The following NRXN3 variants were observed in gnomAD, a reference collection of about 807,000 sequenced individuals.
NRXN3 encodes neurexin III.
In NRXN3, 32 loss-of-function variants were observed where a neutral mutation model predicts 137.6. The observed-to-expected ratio is 0.23, with a 90% CI of 0.18 to 0.31. The LOEUF (loss-of-function observed/expected upper bound fraction) is 0.31, where lower values mean the gene tolerates loss of function less well. NRXN3 is among the 10% of genes least tolerant of loss of function. The pLI is 1.00. For missense variants in NRXN3, 1,574 were observed against 2,062.5 expected, an observed-to-expected ratio of 0.76 and a Z score of 4.59; for synonymous variants, 798 against 784.5, an observed-to-expected ratio of 1.02 and a Z score of -0.29.
intron 15 of NRXN3, among the ~76,000 whole-genome samples, chr14:79,310,870 C>T (rs1039398296): frequency 0.012 from 906 of 74,054 alleles, no homozygotes; most frequent in African/African-American, 0.017. Flanking sequence ...ACAATCATGT[C>T]GTCTGCAAAC....
intron 4 of NRXN3, among the ~76,000 whole-genome samples, chr14:78,602,026 G>A (rs1460009861): frequency 2.0e-5 from 3 of 152,082 alleles, no homozygotes; most frequent in African/African-American, 7.2e-5. Flanking sequence ...GGCATTCTTG[G>A]ATGAACTACA....
chr14:78,487,506 G>A (rs556801018), intron 4 of NRXN3, among the ~76,000 whole-genome samples: 10 of 152,202 alleles, frequency 6.6e-5, no homozygotes, highest in Non-Finnish European at 1.3e-4. Context: ...ACTTTGGGAA[G>A]CCAAGGCAAG....
intron 3 of NRXN3, among the ~76,000 whole-genome samples, chr14:78,281,401 A>G (rs2074390549): frequency 6.6e-6 from 1 of 152,204 alleles, no homozygotes; most frequent in South Asian, 2.1e-4. Flanking sequence ...GGGATGATTG[A>G]TTAATTGATT....
chr14:78,464,983 A>G (rs1286670731), intron 4 of NRXN3, among the ~76,000 whole-genome samples: 1 of 152,188 alleles, frequency 6.6e-6, no homozygotes, highest in Non-Finnish European at 1.5e-5. Context: ...AGTTGATTCT[A>G]AAGAGTTTGT....
intron 19 of NRXN3, among the ~76,000 whole-genome samples, chr14:79,771,431 T>A (rs957539643): frequency 1.3e-5 from 2 of 152,070 alleles, no homozygotes; most frequent in African/African-American, 2.4e-5. Flanking sequence ...TCCACCATGA[T>A]CAAGTGGGCT....
At chr14:79,065,587 T>C (rs1418175150) in intron 15 of NRXN3, among the ~76,000 whole-genome samples, 1 of 152,150 alleles carries the variant, frequency 6.6e-6, no homozygotes, top group Non-Finnish European at 1.5e-5. Flanking sequence ...GAAAATGTGT[T>C]GTTCTGGAGA....
chr14:78,215,035 T>C (rs1203255157), intron 1 of NRXN3, among the ~76,000 whole-genome samples: 1 of 152,160 alleles, frequency 6.6e-6, no homozygotes, highest in Non-Finnish European at 1.5e-5. Context: ...GAATATTAAA[T>C]GAGATAATAT....
chr14:79,814,235 C>A (rs2099244708), intron 20 of NRXN3, among the ~76,000 whole-genome samples: 1 of 152,230 alleles, frequency 6.6e-6, no homozygotes. Context: ...CTTGTGTTTT[C>A]TTTTCTTGGC....
At chr14:79,375,539 C>T (rs897993066) in intron 15 of NRXN3, among the ~76,000 whole-genome samples, 6 of 152,028 alleles carry the variant, frequency 3.9e-5, no homozygotes, top group South Asian at 2.1e-4. Context: ...CGCAGCGGGA[C>T]GTGCACTTGA....
At chr14:79,818,391 T>C (rs916040844) in intron 20 of NRXN3, among the ~76,000 whole-genome samples, 3 of 152,214 alleles carry the variant, frequency 2.0e-5, no homozygotes, top group Admixed American at 2.0e-4. Context: ...TGATCAATTC[T>C]GTTCAAAACA....
intron 15 of NRXN3, among the ~76,000 whole-genome samples, chr14:79,344,303 TGA>T (rs2092761675): frequency 6.6e-6 from 1 of 151,942 alleles, no homozygotes; most frequent in Non-Finnish European, 1.5e-5. Context: ...AGGAGGTGAG[TGA>T]GAGGAAGAAG....
intron 15 of NRXN3, among the ~76,000 whole-genome samples, chr14:79,105,278 T>C (rs1210546919): frequency 6.6e-6 from 1 of 152,152 alleles, no homozygotes; most frequent in Non-Finnish European, 1.5e-5. Flanking sequence ...AGGTATTATC[T>C]CTACAAACCA....
chr14:78,545,649 A>G (rs1411507760), intron 4 of NRXN3, among the ~76,000 whole-genome samples: 1 of 152,228 alleles, frequency 6.6e-6, no homozygotes, highest in East Asian at 1.9e-4. Flanking sequence ...ATAAATACAA[A>G]AAAGTTTAAA....
At position 78,232,229 on chromosome 14, in the gene NRXN3, C is replaced by T. The variant is rs1188416699; in HGVS notation, c.-703-10162C>T. Among the ~76,000 whole-genome samples, 5 of 152,330 alleles carry T rather than the reference C, an allele frequency of 3.3e-5. No individual in the cohort carries two copies. In the East Asian group the frequency reaches 9.6e-4, roughly 29 times the overall value. ...TCACACAGTTCAAATCTGTCCAGAGCCTTTGCCAGTTTGTTCTGTTCTCCT... is the reference window on the plus strand; with the variant it reads ...TCACACAGTTCAAATCTGTCCAGAGTCTTTGCCAGTTTGTTCTGTTCTCCT... On this transcript the variant is annotated intron_variant, in intron 1 of 20. Coordinates refer to ENST00000335750, the MANE Select transcript of NRXN3 (RefSeq NM_001330195.2).
At chr14:79,528,658 TAA>T (rs34298385) in intron 16 of NRXN3, among the ~76,000 whole-genome samples, 10,258 of 150,832 alleles carry the variant, frequency 0.068, 375 homozygotes, top group Middle Eastern at 0.11. Context: ...ATGTGTATGG[TAA>T]AAAAAAAAAG....
intron 16 of NRXN3, among the ~76,000 whole-genome samples, chr14:79,579,449 C>T (rs978301087): frequency 7.3e-5 from 11 of 150,954 alleles, no homozygotes; most frequent in Non-Finnish European, 1.6e-4. Context: ...AAACTTACTC[C>T]TTCAACGAAT....
chr14:78,954,532 T>G (rs1248686274), intron 10 of NRXN3, among the ~76,000 whole-genome samples: 1 of 152,110 alleles, frequency 6.6e-6, no homozygotes, highest in African/African-American at 2.4e-5. Flanking sequence ...TGGCGCAATC[T>G]CAGCTCACTG....
intron 15 of NRXN3, among the ~76,000 whole-genome samples, chr14:79,462,504 T>TATAC (rs35140128): frequency 0.32 from 47,969 of 149,812 alleles, 7,785 homozygotes; most frequent in South Asian, 0.42. Flanking sequence ...TATATATATA[T>TATAC]ACACACATAT....
At chr14:78,444,679 G>A (rs2094361744) in intron 4 of NRXN3, among the ~76,000 whole-genome samples, 1 of 152,000 alleles carries the variant, frequency 6.6e-6, no homozygotes, top group Non-Finnish European at 1.5e-5. Context: ...CAGCACTTTG[G>A]GAGGCTGAGG....
Sources: allele counts gnomAD v4.1 joint callset (sites outside exome capture counted in the v4.1 genomes callset), GRCh38; gene constraint gnomAD v4.1.1; transcripts MANE v1.5; gene names NCBI Gene and HGNC (gene_info 2026-07-23, HGNC 2026-07-21).